CCDC171: variants seen among roughly 807,000 people sequenced by gnomAD.
The protein encoded by CCDC171 is coiled-coil domain-containing protein 171.
CCDC171 carries 177 observed loss-of-function variants against 168.2 expected under a neutral mutation model. The observed-to-expected ratio is 1.05, with a 90% CI of 0.93 to 1.19. CCDC171 has a LOEUF of 1.19. Among genes scored for constraint, CCDC171 ranks in the 50% most tolerant of loss-of-function variants. The pLI is 0.00. For synonymous variants in CCDC171, 687 were observed against 540.8 expected (o/e 1.27, Z -3.75); for missense variants, 1,991 against 1,539.0 (o/e 1.29, Z -4.91).
At chr9:15,625,435 T>A (rs2044983802) in intron 7 of CCDC171, among the ~76,000 whole-genome samples, 1 of 152,188 alleles carries the variant, frequency 6.6e-6, no homozygotes, top group Admixed American at 6.5e-5. Context: ...TCTTCTAGGG[T>A]TTTTATGGTT....
rs1164469635 is a variant in CCDC171, at chr9:15,628,746, CT to C, written c.822+5334del. 6.6e-5 allele frequency among the ~76,000 whole-genome samples: 10 copies of C among 152,322 alleles called. No homozygotes were observed. In the Middle Eastern group the frequency reaches 0.01, roughly 155 times the overall value. On this transcript the variant is annotated intron_variant, in intron 7 of 25. Transcript: ENST00000380701. ...GCCTCCTCAAGTGGGTCCCTGACCCCTGAACCCTGAGCAGCCTAACTGGGAG... is the reference window on the plus strand; with the variant it reads ...GCCTCCTCAAGTGGGTCCCTGACCCCGAACCCTGAGCAGCCTAACTGGGAG...
At chr9:15,720,253 C>T (rs997566891) in intron 11 of CCDC171, among the ~76,000 whole-genome samples, 5 of 152,004 alleles carry the variant, frequency 3.3e-5, no homozygotes. Context: ...AGAATTTTTC[C>T]CCTTTCTTCC....
Position 15,920,359 on chromosome 9 carries a change from C to A in CCDC171, c.3690C>A (p.His1230Gln). Residue 1230 changes from histidine to glutamine, a missense_variant, in exon 25 of 26, where the codon CAC becomes CAA. Coordinates refer to ENST00000380701, the MANE Select transcript of CCDC171 (RefSeq NM_173550.4). ...LEKEMTSHRS[H>Q]IAALKSELHT... ...AGGAAATGACATCTCATCGAAGTCACATTGCAGCCTTGAAATCAGAACTTC... is the reference window on the plus strand; with the variant it reads ...AGGAAATGACATCTCATCGAAGTCAAATTGCAGCCTTGAAATCAGAACTTC... The A allele has an allele frequency of 6.2e-7, 1 of 1,610,166 alleles. No individual in the cohort carries two copies. The highest frequency in any genetic ancestry group is 8.5e-7 in the Non-Finnish European group (1 of 1,177,384).
intron 6 of CCDC171, among the ~76,000 whole-genome samples, chr9:15,601,132 A>T (rs1434211648): frequency 6.6e-6 from 1 of 152,058 alleles, no homozygotes; most frequent in Admixed American, 6.5e-5. Context: ...AGTGCACTGC[A>T]CCCACTGTCC....
chr9:15,613,843 T>C (rs1189357053), intron 6 of CCDC171, among the ~76,000 whole-genome samples: 2 of 152,224 alleles, frequency 1.3e-5, no homozygotes, highest in East Asian at 3.9e-4. Flanking sequence ...ATTTTTCTAA[T>C]GACTAATGAT....
intron 23 of CCDC171, among the ~76,000 whole-genome samples, chr9:15,854,471 CTT>C (rs1445839784): frequency 6.6e-6 from 1 of 151,432 alleles, no homozygotes; most frequent in Non-Finnish European, 1.5e-5. Context: ...AATTTAGTAA[CTT>C]TTCTCTTGGT....
At chr9:16,067,579 G>A in the CCDC171 span, among the ~76,000 whole-genome samples, 1 of 152,068 alleles carries the variant, frequency 6.6e-6, no homozygotes, top group African/African-American at 2.4e-5. Flanking sequence ...TTTCTTCTCT[G>A]GTTTTTATGG....
At chr9:15,649,495 C>A (rs2047328679) in intron 7 of CCDC171, among the ~76,000 whole-genome samples, 1 of 152,110 alleles carries the variant, frequency 6.6e-6, no homozygotes, top group African/African-American at 2.4e-5. Context: ...TTGGAATCTA[C>A]TCATCTGACA....
chr9:16,034,855 A>C (rs1833433286), intron 6 of CCDC171, among the ~76,000 whole-genome samples: 2 of 152,046 alleles, frequency 1.3e-5, no homozygotes, highest in Non-Finnish European at 2.9e-5. Flanking sequence ...TTGGTTTTCA[A>C]ATTTTCTGGG....
chr9:15,706,488 A>G (rs2052246867), intron 11 of CCDC171, among the ~76,000 whole-genome samples: 2 of 152,086 alleles, frequency 1.3e-5, no homozygotes, highest in South Asian at 2.1e-4. Flanking sequence ...GGATTTCACC[A>G]TGTTGCCCAG....
chr9:15,955,632 G>A (rs78600654), intron 25 of CCDC171, among the ~76,000 whole-genome samples: 20 of 152,274 alleles, frequency 1.3e-4, no homozygotes, highest in Middle Eastern at 3.4e-3. Context: ...TCCCCTGGAA[G>A]TTGCAAGCCT....
chr9:15,743,716 G>A (rs1467250188), intron 16 of CCDC171, among the ~76,000 whole-genome samples: 1 of 152,110 alleles, frequency 6.6e-6, no homozygotes, highest in Non-Finnish European at 1.5e-5. Flanking sequence ...TTTCTGTCAT[G>A]GGGAGGTAAG....
intron 23 of CCDC171, among the ~76,000 whole-genome samples, chr9:15,859,997 A>G (rs1336976980): frequency 6.6e-6 from 1 of 150,482 alleles, no homozygotes; most frequent in Non-Finnish European, 1.5e-5. Context: ...TTTTTTTTTT[A>G]ATCATTCAGT....
At chr9:15,609,998 G>C (rs545866527) in intron 6 of CCDC171, among the ~76,000 whole-genome samples, 31 of 151,882 alleles carry the variant, frequency 2.0e-4, no homozygotes, top group Admixed American at 1.9e-3. Flanking sequence ...TATTTTCTGA[G>C]AGATTTTCTC....
chr9:15,956,159 A>G (rs781587780), intron 25 of CCDC171, among the ~76,000 whole-genome samples: 2 of 152,162 alleles, frequency 1.3e-5, no homozygotes, highest in Non-Finnish European at 2.9e-5. Flanking sequence ...ATTTGAAGGC[A>G]TGTCACGAAA....
chr9:15,908,866 G>T (rs902779075), intron 24 of CCDC171, among the ~76,000 whole-genome samples: 3 of 152,104 alleles, frequency 2.0e-5, no homozygotes, highest in African/African-American at 7.2e-5. Context: ...AGCCATGAGG[G>T]ATCTCCGCTC....
At chr9:15,901,791 A>G (rs1330304754) in intron 24 of CCDC171, among the ~76,000 whole-genome samples, 1 of 152,194 alleles carries the variant, frequency 6.6e-6, no homozygotes, top group Non-Finnish European at 1.5e-5. Flanking sequence ...TGAAAGTGGC[A>G]TCATTACTCA....
chr9:15,705,003 T>C (rs934134004), intron 11 of CCDC171, among the ~76,000 whole-genome samples: 2 of 152,060 alleles, frequency 1.3e-5, no homozygotes, highest in Admixed American at 6.6e-5. Context: ...GTTCTGGGGA[T>C]CTAATGTACA....
chr9:15,783,865 C>G (rs1044087947), intron 20 of CCDC171, among the ~76,000 whole-genome samples: 1 of 152,134 alleles, frequency 6.6e-6, no homozygotes, highest in Non-Finnish European at 1.5e-5. Flanking sequence ...ATATTGAACA[C>G]TCACTGAGTG....
Sources: gnomAD v4.1 joint callset for allele counts (sites outside exome capture counted in the v4.1 genomes callset) on GRCh38, gnomAD v4.1.1 for gene constraint, MANE v1.5 for transcripts, NCBI Gene and HGNC (gene_info 2026-07-23, HGNC 2026-07-21) for gene names.